Variants in SENP7 observed in about 807,000 individuals in gnomAD.
SENP7 encodes SUMO specific peptidase 7, also known as sentrin-specific protease 7.
Under a neutral mutation model 141.2 loss-of-function variants are expected in SENP7, and 64 were observed. The ratio of observed to expected loss-of-function variants is 0.45; its 90% CI spans 0.37 to 0.56. The LOEUF is 0.56. Among genes scored for constraint, SENP7 ranks in the 20% least tolerant of loss-of-function variants. The probability of loss-of-function intolerance (pLI) is 0.00; values close to 1 mark genes in which losing one functional copy is unlikely to be tolerated. For synonymous variants in SENP7, 382 were observed against 426.4 expected (o/e 0.90, Z 1.28); for missense variants, 1,025 against 1,212.2 (o/e 0.85, Z 2.29).
At chr3:101,498,715 C>A (rs2065254263) in intron 2 of SENP7, among the ~76,000 whole-genome samples, 1 of 152,116 alleles carries the variant, frequency 6.6e-6, no homozygotes, top group African/African-American at 2.4e-5. Context: ...TGCCCAACCC[C>A]CAGGCCAAGG....
chr3:101,417,235 T>C (rs2061649762), intron 5 of SENP7, among the ~76,000 whole-genome samples: 1 of 152,138 alleles, frequency 6.6e-6, no homozygotes, highest in South Asian at 2.1e-4. Flanking sequence ...TGCACATATA[T>C]ACACACACAT....
intron 3 of SENP7, among the ~76,000 whole-genome samples, chr3:101,477,243 C>T (rs6771561): frequency 0.68 from 103,514 of 151,944 alleles, 35,766 homozygotes; most frequent in African/African-American, 0.78. Context: ...AATATGAGTA[C>T]CTTTGCAGAC....
At chr3:101,487,633 T>G (rs1327457323) in intron 3 of SENP7, among the ~76,000 whole-genome samples, 1 of 152,230 alleles carries the variant, frequency 6.6e-6, no homozygotes, top group Non-Finnish European at 1.5e-5. Flanking sequence ...GAGTTAATTT[T>G]TGTATATGGT....
chr3:101,366,647 T>C lies in SENP7; in HGVS notation c.1101A>G (p.Lys367=). 6.2e-7 allele frequency: 1 copy of C among 1,613,804 alleles called. No homozygotes were observed. Among genetic ancestry groups the C allele is most frequent in the Non-Finnish European group, 8.5e-7 (1 of 1,179,774 alleles). ...TTKPTKSDFT[K]LSSLNSQELT... is the part of the protein sequence containing the mutation. ...ACTCCTGACTGTTAAGTGAGGATAG[T>C]TTAGTAAAATCACTTTTTGTAGGTT... Residue 367 remains lysine (K), a synonymous_variant, in exon 9 of 24, where the codon AAA becomes AAG. Coordinates refer to ENST00000394095, the MANE Select transcript of SENP7 (RefSeq NM_020654.5).
chr3:101,395,247 C>T (rs1576211102), intron 6 of SENP7, among the ~76,000 whole-genome samples: 1 of 152,202 alleles, frequency 6.6e-6, no homozygotes, highest in East Asian at 1.9e-4. Flanking sequence ...AGCATGTCCC[C>T]TATGTTTTCT....
chr3:101,477,997 G>A (rs1281171408), intron 3 of SENP7, among the ~76,000 whole-genome samples: 1 of 151,514 alleles, frequency 6.6e-6, no homozygotes, highest in East Asian at 1.9e-4. Context: ...TGGCTAGACT[G>A]GCTAACACAC....
rs182745928 is a variant in SENP7 at position 101,420,200 on chromosome 3, T to C, written c.285-2410A>G. Among the ~76,000 whole-genome samples, 475 of 152,258 alleles carry C rather than the reference T, an allele frequency of 3.1e-3. 6 individuals carry two copies. The highest frequency in any genetic ancestry group is 0.011 in the African/African-American group (465 of 41,566). On this transcript the variant is annotated intron_variant, in intron 4 of 23. Transcript: ENST00000394095. ...GGCTAACATGGTGAAACCCCGTCTCTACTAAAAAATACAAAAAATTAGCCG... is the reference window on the plus strand; with the variant it reads ...GGCTAACATGGTGAAACCCCGTCTCCACTAAAAAATACAAAAAATTAGCCG...
At chr3:101,336,090 T>C (rs898436495) in intron 17 of SENP7, among the ~76,000 whole-genome samples, 7 of 152,168 alleles carry the variant, frequency 4.6e-5, no homozygotes, top group African/African-American at 7.2e-5. Flanking sequence ...CACAACACTA[T>C]GAACAACAGA....
intron 6 of SENP7, among the ~76,000 whole-genome samples, chr3:101,389,398 C>T (rs1363871157): frequency 6.6e-6 from 1 of 151,874 alleles, no homozygotes; most frequent in Non-Finnish European, 1.5e-5. Flanking sequence ...CTAAGAACAG[C>T]AAAAGAAACA....
At chr3:101,510,866 C>G (rs892957293) in intron 1 of SENP7, among the ~76,000 whole-genome samples, 2 of 91,870 alleles carry the variant, frequency 2.2e-5, no homozygotes, top group Admixed American at 2.5e-4. Flanking sequence ...AAAAAAAAGT[C>G]ACTTCATTTG....
intron 12 of SENP7, 69 bp from the exon 13 acceptor site, chr3:101,348,120 T>C (rs7636229): frequency 0.42 from 441,436 of 1,045,494 alleles, 95,731 homozygotes; most frequent in Admixed American, 0.6. Flanking sequence ...AAACATTATA[T>C]GACACTTGTT....
chr3:101,351,983 T>C (rs1352484779), intron 11 of SENP7, among the ~76,000 whole-genome samples: 1 of 151,998 alleles, frequency 6.6e-6, no homozygotes, highest in Non-Finnish European at 1.5e-5. Flanking sequence ...GCAGTGACTC[T>C]GGTAAATATA....
In SENP7 at chr3:101,414,242, G is replaced by A. The variant is rs2061539454; in HGVS notation, c.482+3351C>T. The A allele has an allele frequency of 1.7e-5, 10 of 572,870 alleles. No individual in the cohort carries two copies. The South Asian group carries it at 1.9e-4, about 11-fold the overall frequency. 35.5% of individuals were successfully genotyped at this position (572,870 alleles called of 1,614,324 possible). The stretch of plus-strand genomic sequence containing the variant: ...CACCATAACAGCTACAGCAGCTGCA[G>A]GTGACGAGTGGTAGAATCGATGGTG... On this transcript the variant is annotated intron_variant, in intron 5 of 23. Transcript: ENST00000394095.
chr3:101,504,296 CA>C (rs11454023), intron 1 of SENP7, among the ~76,000 whole-genome samples: 350 of 142,370 alleles, frequency 2.5e-3, no homozygotes, highest in African/African-American at 6.8e-3. Flanking sequence ...ATTAAAAATA[CA>C]AAAAAAAAAA....
At chr3:101,334,784 T>A (rs1191233347) in intron 17 of SENP7, among the ~76,000 whole-genome samples, 1 of 152,210 alleles carries the variant, frequency 6.6e-6, no homozygotes, top group Non-Finnish European at 1.5e-5. Context: ...ATTTCCTGAT[T>A]ATGCTAACCT....
At position 101,382,495 on chromosome 3, in the gene SENP7, T is replaced by C. The variant is rs865803408; in HGVS notation, c.678-10369A>G. Among the ~76,000 whole-genome samples the C allele has an allele frequency of 2.6e-5, 4 of 152,246 alleles. No homozygotes were observed. The South Asian group carries it at 6.2e-4, about 24-fold the overall frequency. ...CACCACACCCAAGCCTATTTTCTAA[T>C]ACAATTCGGTATATATTATTTGGAA... On this transcript the variant is annotated intron_variant, in intron 6 of 23. Coordinates refer to ENST00000394095, the MANE Select transcript of SENP7 (RefSeq NM_020654.5).
chr3:101,405,195 C>T (rs549872574), intron 5 of SENP7, among the ~76,000 whole-genome samples: 2 of 152,274 alleles, frequency 1.3e-5, no homozygotes, highest in South Asian at 4.1e-4. Context: ...TGACCCAGGA[C>T]ACCCCAAATA....
intron 4 of SENP7, among the ~76,000 whole-genome samples, chr3:101,426,745 G>A (rs538416923): frequency 3.3e-5 from 5 of 152,202 alleles, no homozygotes; most frequent in Admixed American, 2.6e-4. Context: ...GCCTCCCAAA[G>A]TGCTGGGATT....
In SENP7 at chr3:101,325,424, C is replaced by T. The variant is rs527808571; in HGVS notation, c.*519G>A. 1 of 152,426 alleles carries T rather than the reference C, an allele frequency of 6.6e-6. No homozygotes were observed. The allele number at this position is 152,426 out of a possible 1,614,324, so 9.4% of individuals were successfully genotyped here. On this transcript the variant is annotated 3_prime_UTR_variant, in exon 24 of 24. Coordinates refer to ENST00000394095, the MANE Select transcript of SENP7 (RefSeq NM_020654.5). ...TTTTTGTTACATACAGAAGGGATGC[C>T]GTAAATGGCATTTTCTGAAGCCTTG...
Sources: gnomAD v4.1 joint callset for allele counts (sites outside exome capture counted in the v4.1 genomes callset) on GRCh38, gnomAD v4.1.1 for gene constraint, MANE v1.5 for transcripts, NCBI Gene and HGNC (gene_info 2026-07-23, HGNC 2026-07-21) for gene names.